Variants in NRG3 observed in about 807,000 individuals in gnomAD.
NRG3 encodes neuregulin 3.
Under a neutral mutation model 66.9 loss-of-function variants are expected in NRG3, and 31 were observed. The observed-to-expected ratio is 0.46, with a 90% CI of 0.35 to 0.63. NRG3 has a LOEUF of 0.63. Among genes scored for constraint, NRG3 ranks in the 20% least tolerant of loss-of-function variants. The probability of loss-of-function intolerance (pLI) is 0.00; values close to 1 mark genes in which losing one functional copy is unlikely to be tolerated. For missense variants in NRG3, 910 were observed against 878.9 expected (o/e 1.04, Z -0.45); for synonymous variants, 393 against 359.4 (o/e 1.09, Z -1.06).
chr10:82,419,734 C>G (rs1051400765), intron 2 of NRG3, among the ~76,000 whole-genome samples: 12 of 152,114 alleles, frequency 7.9e-5, no homozygotes, highest in African/African-American at 2.9e-4. Flanking sequence ...TTTTTACAAA[C>G]AGAAAACAGT....
At chr10:82,414,544 T>G (rs982106627) in intron 2 of NRG3, among the ~76,000 whole-genome samples, 1 of 152,174 alleles carries the variant, frequency 6.6e-6, no homozygotes, top group African/African-American at 2.4e-5. Flanking sequence ...GGCACTGATA[T>G]AAACTTCCTC....
intron 2 of NRG3, among the ~76,000 whole-genome samples, chr10:82,549,581 C>A (rs73311943): frequency 0.065 from 9,858 of 152,190 alleles, 579 homozygotes; most frequent in African/African-American, 0.16. Flanking sequence ...TGCTATATTA[C>A]ACTCTAAAAT....
intron 1 of NRG3, among the ~76,000 whole-genome samples, chr10:81,950,080 A>G (rs1374564361): frequency 6.6e-6 from 1 of 152,168 alleles, no homozygotes; most frequent in African/African-American, 2.4e-5. Context: ...AGAGGTTCCA[A>G]TGTGCCAAGT....
At chr10:81,992,374 C>A (rs1336595537) in intron 1 of NRG3, among the ~76,000 whole-genome samples, 1 of 152,102 alleles carries the variant, frequency 6.6e-6, no homozygotes, top group Non-Finnish European at 1.5e-5. Flanking sequence ...GTGCTTGAGA[C>A]TATATCTGCC....
At chr10:82,567,332 T>A (rs1481939621) in intron 2 of NRG3, among the ~76,000 whole-genome samples, 3 of 151,994 alleles carry the variant, frequency 2.0e-5, no homozygotes, top group Non-Finnish European at 1.5e-5. Flanking sequence ...GAAATTCCGA[T>A]GATTAATAAT....
intron 2 of NRG3, among the ~76,000 whole-genome samples, chr10:82,648,449 A>G (rs1310452703): frequency 6.6e-6 from 1 of 152,162 alleles, no homozygotes; most frequent in Non-Finnish European, 1.5e-5. Context: ...GATGCCCTCC[A>G]GCTTTGTTCT....
intron 1 of NRG3, among the ~76,000 whole-genome samples, chr10:82,158,792 G>C (rs1739775): frequency 0.89 from 134,752 of 151,866 alleles, 60,014 homozygotes; most frequent in African/African-American, 0.96. Context: ...GGAATTGTAC[G>C]ATTCTTAACC....
intron 1 of NRG3, among the ~76,000 whole-genome samples, chr10:82,169,524 T>A (rs1348606482): frequency 6.6e-6 from 1 of 151,540 alleles, no homozygotes; most frequent in Non-Finnish European, 1.5e-5. Flanking sequence ...TTTTTTATTA[T>A]ACTTTGAGTT....
intron 2 of NRG3, among the ~76,000 whole-genome samples, chr10:82,502,792 T>C (rs372623255): frequency 6.6e-6 from 1 of 152,218 alleles, no homozygotes; most frequent in African/African-American, 2.4e-5. Flanking sequence ...TAAAACTTTA[T>C]GAATTTCATT....
chr10:82,210,955 T>G lies in NRG3; in HGVS notation c.824-147784T>G, dbSNP rs2133626701. 2.0e-5 allele frequency among the ~76,000 whole-genome samples: 3 copies of G among 150,862 alleles called. No individual in the cohort carries two copies. In the East Asian group the frequency reaches 5.8e-4, roughly 29 times the overall value. On this transcript the variant is annotated intron_variant, in intron 1 of 8. Transcript: ENST00000372141. The stretch of plus-strand genomic sequence containing the variant: ...AAAAAAAAGGCTGCATATCTTGGTA[T>G]AGTGTAAGAGATCCATCATCATTTT...
chr10:81,951,312 A>G (rs1203394450), intron 1 of NRG3, among the ~76,000 whole-genome samples: 1 of 152,166 alleles, frequency 6.6e-6, no homozygotes, highest in African/African-American at 2.4e-5. Flanking sequence ...CTCTCTGTAA[A>G]ATATTTCCTG....
intron 4 of NRG3, among the ~76,000 whole-genome samples, chr10:82,911,108 T>C (rs998535944): frequency 6.6e-6 from 1 of 152,188 alleles, no homozygotes; most frequent in African/African-American, 2.4e-5. Flanking sequence ...CAGAGGTAAA[T>C]ATATATGTAT....
At chr10:82,577,847 C>T (rs1458680195) in intron 2 of NRG3, among the ~76,000 whole-genome samples, 1 of 151,758 alleles carries the variant, frequency 6.6e-6, no homozygotes, top group Non-Finnish European at 1.5e-5. Flanking sequence ...TTCTTCCTCT[C>T]AACAATTTAT....
intron 3 of NRG3, among the ~76,000 whole-genome samples, chr10:82,762,354 A>C (rs1210905756): frequency 6.6e-6 from 1 of 152,172 alleles, no homozygotes; most frequent in African/African-American, 2.4e-5. Context: ...TTATAAAATT[A>C]AATTTTTCAA....
chr10:82,349,919 C>A (rs567684441), intron 1 of NRG3, among the ~76,000 whole-genome samples: 5 of 152,152 alleles, frequency 3.3e-5, no homozygotes, highest in African/African-American at 4.8e-5. Flanking sequence ...CGCCCTGCTT[C>A]GGCTCGCGCA....
chr10:81,934,616 C>A (rs538967953), intron 1 of NRG3, among the ~76,000 whole-genome samples: 5 of 152,132 alleles, frequency 3.3e-5, no homozygotes, highest in South Asian at 2.1e-4. Flanking sequence ...ATATATGTGG[C>A]CTTTTGTACA....
intron 3 of NRG3, among the ~76,000 whole-genome samples, chr10:82,856,570 CCCTGTCTCT>C (rs2063811827): frequency 6.6e-6 from 1 of 151,680 alleles, no homozygotes; most frequent in African/African-American, 2.4e-5. Flanking sequence ...CATGGGAAAA[CCCTGTCTCT>C]ACTAAAAATA....
At chr10:82,727,745 T>C (rs939744211) in intron 2 of NRG3, among the ~76,000 whole-genome samples, 2 of 152,114 alleles carry the variant, frequency 1.3e-5, no homozygotes, top group Non-Finnish European at 2.9e-5. Flanking sequence ...GACCCCAGAA[T>C]GGTAGATCCA....
At chr10:82,778,800 C>G (rs534688168) in intron 3 of NRG3, among the ~76,000 whole-genome samples, 10 of 152,124 alleles carry the variant, frequency 6.6e-5, no homozygotes, top group Non-Finnish European at 1.3e-4. Context: ...GCTAAATTTC[C>G]GAGGAGTGGG....
Sources: gnomAD v4.1 joint callset for allele counts (sites outside exome capture counted in the v4.1 genomes callset) on GRCh38, gnomAD v4.1.1 for gene constraint, MANE v1.5 for transcripts, NCBI Gene and HGNC (gene_info 2026-07-23, HGNC 2026-07-21) for gene names.